Variants in KMT2C observed in about 807,000 individuals in gnomAD.
KMT2C encodes the protein histone-lysine N-methyltransferase 2C.
Under a neutral mutation model 507.9 loss-of-function variants are expected in KMT2C, and 88 were observed. The observed-to-expected ratio is 0.17, with a 90% CI of 0.15 to 0.21. The LOEUF (loss-of-function observed/expected upper bound fraction) is 0.21, where lower values mean the gene tolerates loss of function less well. KMT2C is among the 10% of genes least tolerant of loss of function. The pLI, the probability that KMT2C is intolerant of heterozygous loss-of-function variation, is 1.00. For missense variants in KMT2C, 4,954 were observed against 5,957.8 expected, an observed-to-expected ratio of 0.83 and a Z score of 5.55; for synonymous variants, 2,049 against 2,080.8, an observed-to-expected ratio of 0.98 and a Z score of 0.42.
intron 1 of KMT2C, among the ~76,000 whole-genome samples, chr7:152,371,775 G>A (rs2129241579): frequency 6.6e-6 from 1 of 151,914 alleles, no homozygotes; most frequent in Admixed American, 6.6e-5. Flanking sequence ...CACCACACCT[G>A]GCTAATTTTT....
intron 1 of KMT2C, among the ~76,000 whole-genome samples, chr7:152,398,988 A>T (rs1189323931): frequency 6.6e-6 from 1 of 150,870 alleles, no homozygotes; most frequent in Non-Finnish European, 1.5e-5. Flanking sequence ...CACCAAGCCC[A>T]GCTAATTTTT....
chr7:152,415,585 TA>T (rs1242551689), intron 1 of KMT2C, among the ~76,000 whole-genome samples: 3 of 151,888 alleles, frequency 2.0e-5, no homozygotes, highest in South Asian at 4.2e-4. Context: ...ATACAAGTAA[TA>T]AAATTCAAAA....
chr7:152,388,105 A>AAAAT (rs1398292504), intron 1 of KMT2C, among the ~76,000 whole-genome samples: 2 of 147,558 alleles, frequency 1.4e-5, no homozygotes, highest in East Asian at 2.0e-4. Context: ...TCAAAAAAAA[A>AAAAT]AAATAAATAA....
chr7:152,308,975 A>T (rs936401648), intron 6 of KMT2C, among the ~76,000 whole-genome samples: 30 of 152,220 alleles, frequency 2.0e-4, no homozygotes, highest in African/African-American at 7.2e-4. Context: ...AAGCTCTGAA[A>T]AATGGCAGAC....
chr7:152,179,070 A>T (rs904098755), intron 37 of KMT2C, among the ~76,000 whole-genome samples: 6 of 152,194 alleles, frequency 3.9e-5, no homozygotes, highest in African/African-American at 1.4e-4. Context: ...GGCTCACTGC[A>T]ACCTCCACCT....
chr7:152,165,359 G>A (rs1262884801), intron 42 of KMT2C, among the ~76,000 whole-genome samples: 1 of 152,118 alleles, frequency 6.6e-6, no homozygotes, highest in East Asian at 1.9e-4. Flanking sequence ...TTTGATCTAT[G>A]GATATGCAAA....
At chr7:152,424,066 G>A (rs1195353420) in intron 1 of KMT2C, among the ~76,000 whole-genome samples, 1 of 152,066 alleles carries the variant, frequency 6.6e-6, no homozygotes, top group Admixed American at 6.6e-5. Context: ...AACTATTTCA[G>A]TAAAAGAGGA....
intron 3 of KMT2C, among the ~76,000 whole-genome samples, chr7:152,324,492 A>G (rs2096806253): frequency 6.6e-6 from 1 of 151,970 alleles, no homozygotes; most frequent in African/African-American, 2.4e-5. Flanking sequence ...ATCATGAATC[A>G]TTTTAGATAA....
intron 1 of KMT2C, among the ~76,000 whole-genome samples, chr7:152,401,344 T>C (rs2097571994): frequency 1.3e-5 from 2 of 151,790 alleles, no homozygotes; most frequent in Admixed American, 6.6e-5. Context: ...CCTCCCGAAG[T>C]GCTGGGATTA....
chr7:152,218,275 T>G (rs991661822), intron 23 of KMT2C, among the ~76,000 whole-genome samples: 1 of 152,268 alleles, frequency 6.6e-6, no homozygotes, highest in African/African-American at 2.4e-5. Context: ...AGCAATCCTC[T>G]GCCTCTGCCT....
intron 40 of KMT2C, among the ~76,000 whole-genome samples, chr7:152,170,101 AGTTG>A (rs1452648868): frequency 1.3e-5 from 2 of 152,220 alleles, no homozygotes; most frequent in African/African-American, 2.4e-5. Flanking sequence ...ACTACAAAGC[AGTTG>A]GTTTAACATT....
At position 152,320,951 on chromosome 7, in the gene KMT2C, T is replaced by C. The variant is rs193144577; in HGVS notation, c.390-5613A>G. ...AATAAATGGATAACTTAAAATCTTC[T>C]GGCCAGGTGCAGTGGCTCATGCCTA... On this transcript the variant is annotated intron_variant, in intron 3 of 58. Coordinates refer to ENST00000262189, the MANE Select transcript of KMT2C (RefSeq NM_170606.3). Among the ~76,000 whole-genome samples the C allele has an allele frequency of 1.6e-3, 236 of 151,968 alleles. 2 individuals are homozygous for C. Among genetic ancestry groups the C allele is most frequent in the Non-Finnish European group, 3.0e-3 (202 of 67,920 alleles).
intron 1 of KMT2C, among the ~76,000 whole-genome samples, chr7:152,418,152 CTGG>C (rs1251051924): frequency 6.7e-6 from 1 of 150,342 alleles, no homozygotes; most frequent in East Asian, 2.0e-4. Context: ...GTTGGCCAGG[CTGG>C]TGTCAAACTC....
chr7:152,190,718 A>G (rs2093766855), intron 31 of KMT2C, among the ~76,000 whole-genome samples: 2 of 152,146 alleles, frequency 1.3e-5, no homozygotes, highest in South Asian at 4.1e-4. Flanking sequence ...TGAAAATTCT[A>G]TTCTCTACTT....
intron 3 of KMT2C, among the ~76,000 whole-genome samples, chr7:152,325,736 G>A (rs576894180): frequency 1.3e-5 from 2 of 152,220 alleles, no homozygotes; most frequent in East Asian, 3.9e-4. Context: ...ATGAGCCACT[G>A]TGCCTGGCCA....
chr7:152,368,399 TGAA>T (rs2097264611), intron 1 of KMT2C: 7 of 1,129,786 alleles, frequency 6.2e-6, no homozygotes, highest in Non-Finnish European at 7.9e-6. Context: ...GCAGCTAAAA[TGAA>T]GAAGATAGAG....
At chr7:152,302,826 T>C (rs1403058017) in intron 6 of KMT2C, among the ~76,000 whole-genome samples, 1 of 151,898 alleles carries the variant, frequency 6.6e-6, no homozygotes, top group Non-Finnish European at 1.5e-5. Flanking sequence ...ATTTTTTTAG[T>C]AGAGACAGGG....
chr7:152,428,411 G>T (rs549671927), intron 1 of KMT2C, among the ~76,000 whole-genome samples: 30 of 141,720 alleles, frequency 2.1e-4, no homozygotes, highest in African/African-American at 7.1e-4. Context: ...TCAGGAGTTC[G>T]AGACCAGCCT....
chr7:152,302,608 A>C (rs1012401138), intron 6 of KMT2C, among the ~76,000 whole-genome samples: 4 of 152,092 alleles, frequency 2.6e-5, no homozygotes, highest in African/African-American at 7.2e-5. Flanking sequence ...CTGGGAATAG[A>C]AGAGAAAGGA....
Sources: allele counts gnomAD v4.1 joint callset (sites outside exome capture counted in the v4.1 genomes callset), GRCh38; gene constraint gnomAD v4.1.1; transcripts MANE v1.5; gene names NCBI Gene and HGNC (gene_info 2026-07-23, HGNC 2026-07-21).